ZFPM1: variants seen among roughly 807,000 people sequenced by gnomAD.
The protein encoded by ZFPM1 is zinc finger protein ZFPM1.
ZFPM1 carries 28 observed loss-of-function variants against 46.3 expected under a neutral mutation model. The observed-to-expected ratio is 0.60, with a 90% confidence interval of 0.45 to 0.83. The LOEUF (loss-of-function observed/expected upper bound fraction) is 0.83. ZFPM1 is among the 40% of genes least tolerant of loss of function. The pLI is 0.00. For missense variants in ZFPM1, 1,878 were observed against 1,432.4 expected, an observed-to-expected ratio of 1.31 and a Z score of -5.02; for synonymous variants, 957 against 675.9, an observed-to-expected ratio of 1.42 and a Z score of -6.45.
chr16:88,489,535 C>T (rs545622763), intron 3 of ZFPM1, among the ~76,000 whole-genome samples: 44 of 152,316 alleles, frequency 2.9e-4, no homozygotes, highest in African/African-American at 1.0e-3. Flanking sequence ...CCAGCTGGGC[C>T]GGGATTCAGA....
chr16:88,533,236 A>C lies in ZFPM1; in HGVS notation c.1278A>C (p.Pro426=). Residue 426 remains proline, a synonymous_variant, in exon 10 of 10, where the codon CCA becomes CCC. Coordinates refer to ENST00000319555, the MANE Select transcript of ZFPM1 (RefSeq NM_153813.3). ...TGGGCCTGGCGCCCACCCCATCGCC[A>C]GGACTGGACAGAAAGGCCCTGGCCG... ...ADLGLAPTPS[P]GLDRKALAEA... is the part of the protein sequence containing the mutation. 6.4e-7 allele frequency: 1 copy of C among 1,561,470 alleles called. No individual in the cohort carries two copies. The highest frequency in any genetic ancestry group is 8.6e-7 in the Non-Finnish European group (1 of 1,161,136).
intron 4 of ZFPM1, among the ~76,000 whole-genome samples, chr16:88,523,709 C>T (rs1266191961): frequency 1.3e-5 from 2 of 152,212 alleles, no homozygotes; most frequent in African/African-American, 4.8e-5. Context: ...AGCGGCAGGC[C>T]CCTCTGAGAG....
At chr16:88,522,679 C>G (rs1013595530) in intron 4 of ZFPM1, among the ~76,000 whole-genome samples, 2 of 152,180 alleles carry the variant, frequency 1.3e-5, no homozygotes, top group Admixed American at 6.5e-5. Flanking sequence ...CAGGTCCGCC[C>G]GGGGAATTTA....
intron 1 of ZFPM1, among the ~76,000 whole-genome samples, chr16:88,483,534 C>T (rs894931259): frequency 6.6e-6 from 1 of 152,210 alleles, no homozygotes; most frequent in Non-Finnish European, 1.5e-5. Context: ...CGAGATCTAC[C>T]GGCGGCAGCC....
chr16:88,496,596 GCTTCAGGCTGTGGAA>G (rs1473396901), intron 3 of ZFPM1, among the ~76,000 whole-genome samples: 1 of 151,912 alleles, frequency 6.6e-6, no homozygotes, highest in Non-Finnish European at 1.5e-5. Flanking sequence ...CCACCTGGGG[GCTTCAGGCTGTGGAA>G]CAAAAGTCCC....
chr16:88,491,475 A>G (rs1235254453), intron 3 of ZFPM1, among the ~76,000 whole-genome samples: 2 of 152,208 alleles, frequency 1.3e-5, no homozygotes, highest in Non-Finnish European at 2.9e-5. Context: ...TGCAGGACGC[A>G]TCCACCGTCA....
rs1913004089 is a variant in ZFPM1 at position 88,533,707 on chromosome 16, G to A, written c.1749G>A (p.Glu583=). The A allele has an allele frequency of 6.7e-7, 1 of 1,503,048 alleles. No homozygotes were observed. Among genetic ancestry groups the A allele is most frequent in the Non-Finnish European group, 8.9e-7 (1 of 1,119,142 alleles). The allele number at this position is 1,503,048 out of a possible 1,614,324, so 93.1% of individuals were successfully genotyped here. The change falls in exon 10 of 10, where the codon GAG becomes GAA. Residue 583 remains glutamate, a synonymous_variant. Transcript: ENST00000319555. ...APKGATCFEC[E]ITFSNVNNYY... ...AGGGCGCTACGTGCTTCGAGTGCGA[G>A]ATCACCTTCAGCAACGTCAACAACT...
chr16:88,532,886 T>C lies in ZFPM1; in HGVS notation c.1140T>C (p.Gly380=). The C allele has an allele frequency of 1.2e-6, 2 of 1,613,142 alleles. No homozygotes were observed. Among genetic ancestry groups the C allele is most frequent in the Non-Finnish European group, 8.5e-7 (1 of 1,179,868 alleles). Residue 380 remains glycine, a synonymous_variant, in exon 9 of 10, where the codon GGT becomes GGC. Transcript: ENST00000319555. ...TGGTCTGCCAGCCTGGCTCCAAGGGTGAGATCTACTCGCCAGGGGCCGGAC... is the reference window on the plus strand; with the variant it reads ...TGGTCTGCCAGCCTGGCTCCAAGGGCGAGATCTACTCGCCAGGGGCCGGAC... ...NHMVCQPGSK[G]EIYSPGAGHP...
At chr16:88,489,175 G>A in intron 3 of ZFPM1, 22 bp downstream of exon 3, 5 of 1,577,364 alleles carry the variant, frequency 3.2e-6, no homozygotes, top group Non-Finnish European at 4.3e-6. Context: ...GGTGGTGGGG[G>A]CAGCAGCATC....
At chr16:88,496,123 G>A (rs1909918070) in intron 3 of ZFPM1, among the ~76,000 whole-genome samples, 1 of 152,182 alleles carries the variant, frequency 6.6e-6, no homozygotes, top group African/African-American at 2.4e-5. Flanking sequence ...AGGGCACCTG[G>A]CAGTGGCATC....
intron 3 of ZFPM1, among the ~76,000 whole-genome samples, chr16:88,492,380 G>T (rs773073057): frequency 6.6e-6 from 1 of 152,124 alleles, no homozygotes; most frequent in Non-Finnish European, 1.5e-5. Context: ...CTGGGGCCCT[G>T]TTCTTGAGGC....
In ZFPM1 at chr16:88,489,061, C is replaced by T. The variant is rs756831851; in HGVS notation, c.176C>T (p.Pro59Leu). The T allele has an allele frequency of 3.1e-6, 5 of 1,613,158 alleles. No individual in the cohort carries two copies. The highest frequency in any genetic ancestry group is 2.2e-5 in the East Asian group (1 of 44,860). The change falls in exon 3 of 10, where the codon CCC (proline) becomes CTC (leucine). Residue 59 changes from proline (P) to leucine (L), a missense_variant. Physicochemically the swap from Pro to Leu is moderately conservative, Grantham distance 98. Coordinates refer to ENST00000319555, the MANE Select transcript of ZFPM1 (RefSeq NM_153813.3). ...DVNSPPPLPPPTSPGGPKELE... is the reference protein window; with the variant it reads ...DVNSPPPLPPLTSPGGPKELE... Reference sequence around the variant, plus strand: ...AACTCACCCCCACCGCTGCCGCCCCCCACATCCCCAGGAGGCCCCAAGGAG... The same window carrying T: ...AACTCACCCCCACCGCTGCCGCCCCTCACATCCCCAGGAGGCCCCAAGGAG...
At chr16:88,496,082 G>A (rs911588436) in intron 3 of ZFPM1, among the ~76,000 whole-genome samples, 1 of 152,206 alleles carries the variant, frequency 6.6e-6, no homozygotes, top group Non-Finnish European at 1.5e-5. Flanking sequence ...CCATCCCAGA[G>A]TCCTCTGGAG....
chr16:88,494,478 C>T (rs1909813961), intron 3 of ZFPM1, among the ~76,000 whole-genome samples: 1 of 152,088 alleles, frequency 6.6e-6, no homozygotes, highest in Non-Finnish European at 1.5e-5. Context: ...CAGAGCCTCC[C>T]GTCACAGGGA....
intron 1 of ZFPM1, among the ~76,000 whole-genome samples, chr16:88,462,872 G>A (rs934447218): frequency 1.5e-4 from 23 of 152,284 alleles, no homozygotes; most frequent in South Asian, 4.1e-4. Flanking sequence ...CACCTCACGG[G>A]GCTGTGAGGA....
At position 88,471,055 on chromosome 16, in the gene ZFPM1, T is replaced by A. The variant is rs1908395732; in HGVS notation, c.41-14884T>A. On this transcript the variant is annotated intron_variant, in intron 1 of 9. Transcript: ENST00000319555. This position sits in a 1 kb window ranked among gnomAD's most constrained non-coding sequence, Gnocchi z 4.1. ...AGGCATTCCCTTCCCCGTGTGCCCT[T>A]GCCAACTACATACTGGGCTGCCCAG... Among the ~76,000 whole-genome samples the A allele has an allele frequency of 6.6e-6, 1 of 152,056 alleles. No homozygotes were observed. Among genetic ancestry groups the A allele is most frequent in the Non-Finnish European group, 1.5e-5 (1 of 67,998 alleles).
chr16:88,488,813 T>C (rs76009916), intron 2 of ZFPM1, among the ~76,000 whole-genome samples: 150 of 152,300 alleles, frequency 9.8e-4, no homozygotes, highest in African/African-American at 3.5e-3. Context: ...ACAATTATCT[T>C]TGAAGCAATT....
chr16:88,474,378 AGCTGCCCGGCCAG>A (rs1213916901), intron 1 of ZFPM1, among the ~76,000 whole-genome samples: 1 of 152,198 alleles, frequency 6.6e-6, no homozygotes, highest in Non-Finnish European at 1.5e-5. Context: ...CAGATGCAGC[AGCTGCCCGGCCAG>A]GGTTCCCCCA....
intron 1 of ZFPM1, among the ~76,000 whole-genome samples, chr16:88,482,402 C>G (rs1160861541): frequency 6.6e-6 from 1 of 152,200 alleles, no homozygotes; most frequent in African/African-American, 2.4e-5. Flanking sequence ...CAGTTGTCTC[C>G]TGCATTATCA....
Sources: gnomAD v4.1 joint callset for allele counts (sites outside exome capture counted in the v4.1 genomes callset) on GRCh38, gnomAD v4.1.1 for gene constraint, Gnocchi (gnomAD v3.1) non-coding constraint, MANE v1.5 for transcripts, NCBI Gene and HGNC (gene_info 2026-07-23, HGNC 2026-07-21) for gene names.